The following TXNRD1 variants were observed in gnomAD, a reference collection of about 807,000 sequenced individuals.
TXNRD1 encodes the protein thioredoxin reductase 1, also known as thioredoxin reductase 1, cytoplasmic.
In TXNRD1, 57 loss-of-function variants were observed where a neutral mutation model predicts 80.3. That is an observed-to-expected ratio of 0.71 (90% CI 0.57 to 0.89). The LOEUF (loss-of-function observed/expected upper bound fraction) is 0.89, where lower values mean the gene tolerates loss of function less well. TXNRD1 is among the 40% of genes least tolerant of loss of function. TXNRD1 has a pLI of 0.00. For synonymous variants in TXNRD1, 291 were observed against 285.2 expected, an observed-to-expected ratio of 1.02 and a Z score of -0.20; for missense variants, 730 against 803.0, an observed-to-expected ratio of 0.91 and a Z score of 1.10.
chr12:104,304,865 T>G (rs746894135), intron 4 of TXNRD1: 2 of 1,613,528 alleles, frequency 1.2e-6, no homozygotes, highest in South Asian at 2.2e-5. Flanking sequence ...ATCTTTGACT[T>G]TACAGGAGTG....
intron 4 of TXNRD1, among the ~76,000 whole-genome samples, chr12:104,290,521 C>T (rs1191731261): frequency 4.0e-5 from 6 of 151,110 alleles, no homozygotes; most frequent in Admixed American, 1.3e-4. Context: ...GGTGAAACCC[C>T]GTCTCTACTA....
intron 1 of TXNRD1, among the ~76,000 whole-genome samples, chr12:104,218,794 G>C (rs1196469159): frequency 6.6e-6 from 1 of 151,750 alleles, no homozygotes; most frequent in African/African-American, 2.4e-5. Context: ...ATTTTGTAGA[G>C]ATGAGGTCTT....
chr12:104,233,069 A>T (rs754132561), intron 1 of TXNRD1, among the ~76,000 whole-genome samples: 1 of 152,226 alleles, frequency 6.6e-6, no homozygotes, highest in Non-Finnish European at 1.5e-5. Flanking sequence ...TAAGGAAGAG[A>T]TGTATGCTGT....
At chr12:104,227,938 A>ATATT (rs368802182) in intron 1 of TXNRD1, among the ~76,000 whole-genome samples, 91 of 152,282 alleles carry the variant, frequency 6.0e-4, no homozygotes, top group African/African-American at 2.1e-3. Flanking sequence ...TCATTGAAGG[A>ATATT]TATTTAGATT....
intron 1 of TXNRD1, among the ~76,000 whole-genome samples, chr12:104,217,789 G>C (rs1032491682): frequency 2.6e-5 from 4 of 152,038 alleles, no homozygotes; most frequent in Non-Finnish European, 4.4e-5. Flanking sequence ...CTGTTTCTGT[G>C]AAATTTGGCT....
intron 3 of TXNRD1, among the ~76,000 whole-genome samples, chr12:104,272,222 G>A (rs1279067973): frequency 6.6e-6 from 1 of 152,142 alleles, no homozygotes; most frequent in Non-Finnish European, 1.5e-5. Flanking sequence ...GGAGAGGAAG[G>A]GGTTCTTATC....
chr12:104,313,183 C>T lies in TXNRD1; in HGVS notation c.538-62C>T, dbSNP rs1378771268. ...TTAAAAAAAAATCATGGATTTTTAACAGCCCATTTCCAATCTGTCATGTTA... is the reference window on the plus strand; with the variant it reads ...TTAAAAAAAAATCATGGATTTTTAATAGCCCATTTCCAATCTGTCATGTTA... On this transcript the variant is annotated intron_variant, in intron 5 of 16. Coordinates refer to ENST00000525566, the MANE Select transcript of TXNRD1 (RefSeq NM_001093771.3). The T allele has an allele frequency of 3.0e-5, 40 of 1,326,034 alleles. No individual in the cohort carries two copies. In the East Asian group the frequency reaches 9.5e-4, roughly 32 times the overall value. 82.1% of individuals were successfully genotyped at this position (1,326,034 alleles called of 1,614,324 possible).
rs60817773 is a variant in TXNRD1 at position 104,294,233 on chromosome 12, G to GGCGCCCCCC, written c.414+5193_414+5194insGCGCCCCCC. Among the ~76,000 whole-genome samples the GGCGCCCCCC allele has an allele frequency of 5.8e-5, 4 of 68,892 alleles. 1 individual carries two copies. Among genetic ancestry groups the GGCGCCCCCC allele is most frequent in the African/African-American group, 1.8e-4 (3 of 16,814 alleles). 45.2% of individuals were successfully genotyped at this position (68,892 alleles called of 152,430 possible). On this transcript the variant is annotated intron_variant, in intron 4 of 16. Transcript: ENST00000525566. Reference sequence around the variant, plus strand: ...CTTCTCTAAACTCCCCCGGGGAAAGGCCCCCCCCCCCGCCGCCGGCTTTCC... The same window carrying GGCGCCCCCC: ...CTTCTCTAAACTCCCCCGGGGAAAGGGCGCCCCCCCCCCCCCCCCCGCCGCCGGCTTTCC...
intron 3 of TXNRD1, among the ~76,000 whole-genome samples, chr12:104,274,687 A>T (rs2033719756): frequency 6.6e-6 from 1 of 151,006 alleles, no homozygotes; most frequent in South Asian, 2.1e-4. Flanking sequence ...TAACAGAGTG[A>T]GACTCCATCT....
chr12:104,237,524 G>T (rs1772517164), intron 1 of TXNRD1, among the ~76,000 whole-genome samples: 1 of 152,128 alleles, frequency 6.6e-6, no homozygotes, highest in Non-Finnish European at 1.5e-5. Context: ...GCCTTCAGTT[G>T]TGCCTGCTTA....
intron 14 of TXNRD1, among the ~76,000 whole-genome samples, chr12:104,331,986 A>T (rs1382089265): frequency 1.3e-5 from 2 of 152,176 alleles, no homozygotes; most frequent in South Asian, 2.1e-4. Flanking sequence ...TTTTTATCTG[A>T]TTTAATTTTC....
intron 3 of TXNRD1, chr12:104,262,248 A>AG (rs2033383515): frequency 6.6e-6 from 1 of 151,358 alleles, no homozygotes. Context: ...AAAAAAAAAA[A>AG]AAAAAAAAGA....
At position 104,294,239 on chromosome 12, in the gene TXNRD1, C is replaced by CCA. The variant is rs2034350117; in HGVS notation, c.414+5200_414+5201insAC. Reference sequence around the variant, plus strand: ...TAAACTCCCCCGGGGAAAGGCCCCCCCCCCCGCCGCCGGCTTTCCCGGTCT... The same window carrying CCA: ...TAAACTCCCCCGGGGAAAGGCCCCCCCACCCCCGCCGCCGGCTTTCCCGGTCT... On this transcript the variant is annotated intron_variant, in intron 4 of 16. Transcript: ENST00000525566. Among the ~76,000 whole-genome samples, 7 of 123,034 alleles carry CCA rather than the reference C, an allele frequency of 5.7e-5. 2 individuals are homozygous for CCA. Among genetic ancestry groups the CCA allele is most frequent in the Non-Finnish European group, 1.8e-5 (1 of 56,040 alleles). 80.7% of individuals were successfully genotyped at this position (123,034 alleles called of 152,430 possible).
chr12:104,341,895 C>T (rs1214555041), intron 16 of TXNRD1, among the ~76,000 whole-genome samples: 2 of 152,106 alleles, frequency 1.3e-5, no homozygotes, highest in African/African-American at 2.4e-5. Flanking sequence ...TAGCATGGCT[C>T]ACAGAACTCA....
chr12:104,290,714 AATATACATATATATATAT>A (rs60772653), intron 4 of TXNRD1, among the ~76,000 whole-genome samples: 686 of 49,138 alleles, frequency 0.014, 20 homozygotes, highest in African/African-American at 0.042. Flanking sequence ...AAAAAAAAGA[AATATACATATATATATAT>A]ATATATATAT....
At position 104,291,480 on chromosome 12, in the gene TXNRD1, C is replaced by CTTTTTT. The variant is rs1161549363; in HGVS notation, c.414+2456_414+2461dup. On this transcript the variant is annotated intron_variant, in intron 4 of 16. Transcript: ENST00000525566. Reference sequence around the variant, plus strand: ...TACAAGTGTGACCCACCGCACCCAGCTTTTTTTTTTTTTTTTTTTTTGAGA... The same window carrying CTTTTTT: ...TACAAGTGTGACCCACCGCACCCAGCTTTTTTTTTTTTTTTTTTTTTTTTTTTGAGA... 6.1e-5 allele frequency among the ~76,000 whole-genome samples: 6 copies of CTTTTTT among 98,398 alleles called. 1 individual carries two copies. Among genetic ancestry groups the CTTTTTT allele is most frequent in the Non-Finnish European group, 1.0e-4 (5 of 50,100 alleles). 64.6% of individuals were successfully genotyped at this position (98,398 alleles called of 152,430 possible).
At chr12:104,229,287 A>C (rs2032556301) in intron 1 of TXNRD1, among the ~76,000 whole-genome samples, 1 of 151,272 alleles carries the variant, frequency 6.6e-6, no homozygotes, top group South Asian at 2.1e-4. Flanking sequence ...AGCTGGGACT[A>C]CGGGCACACA....
chr12:104,240,272 C>G (rs2032830812), intron 1 of TXNRD1, among the ~76,000 whole-genome samples: 1 of 152,120 alleles, frequency 6.6e-6, no homozygotes, highest in Non-Finnish European at 1.5e-5. Context: ...TTGTTTTCTG[C>G]AGTTTTCTCT....
intron 1 of TXNRD1, among the ~76,000 whole-genome samples, chr12:104,218,127 A>G (rs2135670937): frequency 6.6e-6 from 1 of 151,988 alleles, no homozygotes; most frequent in South Asian, 2.1e-4. Context: ...TCCTGGGTTC[A>G]AGCAATTCTC....
Sources: allele counts gnomAD v4.1 joint callset (sites outside exome capture counted in the v4.1 genomes callset), GRCh38; gene constraint gnomAD v4.1.1; transcripts MANE v1.5; gene names NCBI Gene and HGNC (gene_info 2026-07-23, HGNC 2026-07-21).